The following TTN variants were observed in gnomAD, a reference collection of about 807,000 sequenced individuals.
TTN encodes titin.
A neutral mutation model predicts 3,223.0 loss-of-function variants in TTN; 1,525 were observed. That is an observed-to-expected ratio of 0.47 (90% confidence interval 0.45 to 0.49). The LOEUF (loss-of-function observed/expected upper bound fraction) is 0.49. TTN is among the 20% of genes least tolerant of loss of function. The pLI is 0.00. For missense variants in TTN, 40,786 were observed against 43,424.0 expected (o/e 0.94, Z 5.40); for synonymous variants, 14,094 against 15,161.0 (o/e 0.93, Z 5.17).
chr2:178,534,280 G>A lies in TTN; in HGVS notation c.102335C>T (p.Ser34112Phe), dbSNP rs1252666695. Residue 34112 changes from serine to phenylalanine, a missense_variant, in exon 358 of 363, where the codon TCC becomes TTC. Physicochemically the swap from Ser to Phe is radical, Grantham distance 155. Transcript: ENST00000589042. ...LNMVVSAARI[S>F]CGGAIRSQKG... is the part of the protein sequence containing the mutation. ...CTGAGATCGAATTGCACCACCACAG[G>A]AGATCCGGGCTGCTGACACAACCAT... 6.2e-7 allele frequency: 1 copy of A among 1,613,892 alleles called. No homozygotes were observed. Among genetic ancestry groups the A allele is most frequent in the Non-Finnish European group, 8.5e-7 (1 of 1,179,836 alleles).
At chr2:178,737,598 C>A (rs1045540268) in intron 49 of TTN, among the ~76,000 whole-genome samples, 1 of 152,150 alleles carries the variant, frequency 6.6e-6, no homozygotes, top group African/African-American at 2.4e-5. Flanking sequence ...CCGTGCCCAG[C>A]CGTCTTATTT....
chr2:178,651,549 T>G lies in TTN; in HGVS notation c.39464-13A>C. ...GGCACCTCGGGCACTATAAAAGATA[T>G]TAGTAGTTGTTTAAGCTCATGGTTT... is the stretch of plus-strand genomic sequence containing the variant. On this transcript the variant is annotated splice_polypyrimidine_tract_variant and intron_variant, in intron 206 of 362. Coordinates refer to ENST00000589042, the MANE Select transcript of TTN (RefSeq NM_001267550.2). The G allele has an allele frequency of 6.2e-7, 1 of 1,612,614 alleles. No homozygotes were observed. Among genetic ancestry groups the G allele is most frequent in the Non-Finnish European group, 8.5e-7 (1 of 1,179,332 alleles).
chr2:178,602,721 A>G, intron 282 of TTN, 131 bp from the exon 283 acceptor site: 1 of 704,122 alleles, frequency 1.4e-6, no homozygotes, highest in Non-Finnish European at 2.0e-6. Flanking sequence ...AAAAGGAAAT[A>G]CAGTTGCCTT....
intron 46 of TTN, among the ~76,000 whole-genome samples, chr2:178,755,606 G>C (rs2086706890): frequency 6.6e-6 from 1 of 152,046 alleles, no homozygotes; most frequent in Non-Finnish European, 1.5e-5. Flanking sequence ...AACATGCCTG[G>C]CTAATTTTTG....
chr2:178,790,912 G>T, intron 10 of TTN, 67 bp from the exon 11 acceptor site: 1 of 1,580,280 alleles, frequency 6.3e-7, no homozygotes, highest in South Asian at 1.1e-5. Context: ...AGACATCCTT[G>T]AAACACTCAG....
rs72648957 is a variant in TTN, at chr2:178,727,267, C to A, written c.20098G>T (p.Val6700Leu). ...KIAGSPEIRV[V>L]WFRNEHELPA... ...AGTTCATGTTCATTTCGGAACCACA[C>A]AACTCTGATTTCTGGGGATCCAGCT... Residue 6700 changes from valine to leucine, a missense_variant, in exon 69 of 363, where the codon GTG (valine) becomes TTG (leucine). Physicochemically the swap from Val to Leu is conservative, Grantham distance 32. Transcript: ENST00000589042. The A allele has an allele frequency of 6.2e-7, 1 of 1,613,156 alleles. No individual in the cohort carries two copies. Among genetic ancestry groups the A allele is most frequent in the Non-Finnish European group, 8.5e-7 (1 of 1,179,422 alleles).
In TTN at chr2:178,741,361, C is replaced by T; in HGVS notation, c.11872G>A (p.Glu3958Lys). ...RCAQGLPAIF[E>K]YTVVGEPAPT... is the part of the protein sequence containing the mutation. ...GCAGGCTCTCCAACCACTGTGTACT[C>T]AAAGATGGCAGGAAGCCCTTGAGCA... is the stretch of plus-strand genomic sequence containing the variant. The change falls in exon 48 of 363, where the codon GAG (glutamate) becomes AAG (lysine). Residue 3958 changes from glutamate to lysine, a missense_variant. By Grantham distance (56) the Glu-to-Lys change is moderately conservative. Coordinates refer to ENST00000589042, the MANE Select transcript of TTN (RefSeq NM_001267550.2). 1 of 1,613,856 alleles carries T rather than the reference C, an allele frequency of 6.2e-7. No homozygotes were observed. Among genetic ancestry groups the T allele is most frequent in the Non-Finnish European group, 8.5e-7 (1 of 1,179,828 alleles).
intron 258 of TTN, 44 bp from the exon 259 acceptor site, chr2:178,615,528 ATGCAGT>A (rs749597518): frequency 1.2e-6 from 2 of 1,609,048 alleles, no homozygotes; most frequent in South Asian, 2.2e-5. Flanking sequence ...CAGGCCACCT[ATGCAGT>A]TCTCTTCACA....
chr2:178,678,271 T>C (rs572270107), intron 144 of TTN, 63 bp from the exon 145 acceptor site: 9 of 1,543,552 alleles, frequency 5.8e-6, no homozygotes, highest in East Asian at 4.5e-5. Flanking sequence ...GCAATAGATA[T>C]GAAAAAGAAT....
At position 178,804,662 on chromosome 2, in the gene TTN, A is replaced by G; in HGVS notation, c.-13-7T>C. ...TGTCATCTTTCTAGGCACTCTGAAA[A>G]AGAAGAGAAAATAAATTAGGGTGTC... On this transcript the variant is annotated splice_polypyrimidine_tract_variant and splice_region_variant and intron_variant, in intron 1 of 362. Transcript: ENST00000589042. 1 of 1,613,024 alleles carries G rather than the reference A, an allele frequency of 6.2e-7. No individual in the cohort carries two copies. Among genetic ancestry groups the G allele is most frequent in the Non-Finnish European group, 8.5e-7 (1 of 1,179,466 alleles).
At position 178,611,665 on chromosome 2, in the gene TTN, G is replaced by C; in HGVS notation, c.50564C>G (p.Pro16855Arg). 1.2e-6 allele frequency: 2 copies of C among 1,612,786 alleles called. No individual in the cohort carries two copies. The highest frequency in any genetic ancestry group is 2.2e-5 in the South Asian group (2 of 90,982). The change falls in exon 269 of 363, where the codon CCA (proline) becomes CGA (arginine). Residue 16855 changes from proline to arginine, a missense_variant. Physicochemically the swap from Pro to Arg is moderately radical, Grantham distance 103 (BLOSUM62 -2). Transcript: ENST00000589042. Reference protein sequence around the residue: ...SIEDPTSPPSPPLDLHVTDAG... With the variant: ...SIEDPTSPPSRPLDLHVTDAG... ...ATCAGTCACATGTAGGTCAAGGGGTGGTGAGGGAGGACCTGAGAAAAGAGT... is the reference window on the plus strand; with the variant it reads ...ATCAGTCACATGTAGGTCAAGGGGTCGTGAGGGAGGACCTGAGAAAAGAGT...
At position 178,664,037 on chromosome 2, in the gene TTN, C is replaced by T. The variant is rs766280406; in HGVS notation, c.36342G>A (p.Lys12114=). ...TACCTTTAACAGGTGGGACTTCAGGCTTTTTAGGAGGCACCACCGACACTT... is the reference window on the plus strand; with the variant it reads ...TACCTTTAACAGGTGGGACTTCAGGTTTTTTAGGAGGCACCACCGACACTT... ...EKKVSVVPPK[K]PEVPPVKVPE... Residue 12114 remains lysine, a synonymous_variant, in exon 169 of 363, where the codon AAG becomes AAA. Coordinates refer to ENST00000589042, the MANE Select transcript of TTN (RefSeq NM_001267550.2). 1 of 1,613,250 alleles carries T rather than the reference C, an allele frequency of 6.2e-7. No homozygotes were observed.
chr2:178,638,556 CT>C (rs879843623), intron 223 of TTN, among the ~76,000 whole-genome samples: 583 of 141,606 alleles, frequency 4.1e-3, no homozygotes, highest in Middle Eastern at 7.3e-3. Flanking sequence ...AAATAGTTCT[CT>C]TTTTTTTTTT....
intron 69 of TTN, 110 bp from the exon 70 acceptor site, chr2:178,726,156 G>T: frequency 7.8e-7 from 1 of 1,288,646 alleles, no homozygotes; most frequent in South Asian, 1.8e-5. Context: ...TAATGGGTAA[G>T]TAGAGTCCAG....
chr2:178,747,564 T>A, intron 47 of TTN: 1 of 1,613,302 alleles, frequency 6.2e-7, no homozygotes, highest in Non-Finnish European at 8.5e-7. Context: ...TACACAGTGT[T>A]GAAAGTTACT....
chr2:178,729,590 TA>T, intron 63 of TTN, 24 bp from the exon 64 acceptor site: 3 of 1,612,314 alleles, frequency 1.9e-6, no homozygotes, highest in Non-Finnish European at 2.5e-6. Flanking sequence ...AGGAAGACAG[TA>T]GCTTACTCAA....
Position 178,732,843 on chromosome 2 carries a change from T to G in TTN, c.16333A>C (p.Ile5445Leu), listed in dbSNP as rs1360601333. 1.9e-6 allele frequency: 3 copies of G among 1,609,582 alleles called. No individual in the cohort carries two copies. Among genetic ancestry groups the G allele is most frequent in the Non-Finnish European group, 2.5e-6 (3 of 1,176,970 alleles). ...VGSKDSSGALIVQEPPSFVTK... is the reference protein window; with the variant it reads ...VGSKDSSGALLVQEPPSFVTK... ...AAAGTCTCCAGCCAACCTTGCACAA[T>G]CAGGGCTCCACTGCTGTCTTTGCTT... is the stretch of plus-strand genomic sequence containing the variant. The change falls in exon 55 of 363, where the codon ATT becomes CTT. Residue 5445 changes from isoleucine (I) to leucine (L), a missense_variant. Coordinates refer to ENST00000589042, the MANE Select transcript of TTN (RefSeq NM_001267550.2).
At position 178,617,822 on chromosome 2, in the gene TTN, T is replaced by C; in HGVS notation, c.47529A>G (p.Lys15843=). The part of the protein sequence containing the change: ...VRAQNRIGVG[K]PSAATPFVKV... Reference sequence around the variant, plus strand: ...TGACGAAGGGTGTGGCTGCACTTGGTTTTCCAACTCCAATTCGATTTTGGG... The same window carrying C: ...TGACGAAGGGTGTGGCTGCACTTGGCTTTCCAACTCCAATTCGATTTTGGG... The change falls in exon 253 of 363, where the codon AAA becomes AAG. Residue 15843 remains lysine (K), a synonymous_variant. Transcript: ENST00000589042. The C allele has an allele frequency of 6.2e-7, 1 of 1,612,498 alleles. No individual in the cohort carries two copies. The highest frequency in any genetic ancestry group is 1.1e-5 in the South Asian group (1 of 91,030).
chr2:178,651,361 A>G, intron 207 of TTN, 41 bp from the exon 208 acceptor site: 4 of 1,605,162 alleles, frequency 2.5e-6, no homozygotes, highest in Non-Finnish European at 3.4e-6. Flanking sequence ...AACAATCACC[A>G]GTAAACATTC....
Sources: gnomAD v4.1 joint callset for allele counts (sites outside exome capture counted in the v4.1 genomes callset) on GRCh38, gnomAD v4.1.1 for gene constraint, MANE v1.5 for transcripts, NCBI Gene and HGNC (gene_info 2026-07-23, HGNC 2026-07-21) for gene names.